Variants in RAD51B observed in about 807,000 individuals in gnomAD.
RAD51B encodes DNA repair protein RAD51 homolog 2.
In RAD51B, 38 loss-of-function variants were observed where a neutral mutation model predicts 42.2. That is an observed-to-expected ratio of 0.90 (90% CI 0.70 to 1.18). RAD51B has a LOEUF of 1.18. Among genes scored for constraint, RAD51B ranks in the 50% most tolerant of loss-of-function variants. RAD51B has a pLI of 0.00. For missense variants in RAD51B, 373 were observed against 400.7 expected, an observed-to-expected ratio of 0.93 and a Z score of 0.59; for synonymous variants, 154 against 145.2, an observed-to-expected ratio of 1.06 and a Z score of -0.43.
At chr14:68,656,662 G>A (rs1028116383) in intron 11 of RAD51B, among the ~76,000 whole-genome samples, 10 of 152,174 alleles carry the variant, frequency 6.6e-5, no homozygotes, top group African/African-American at 1.4e-4. Flanking sequence ...ACCGCAGGCC[G>A]GCAGTGTGAC....
chr14:68,272,636 T>TAA (rs2081130249), intron 7 of RAD51B, among the ~76,000 whole-genome samples: 1 of 8,974 alleles, frequency 1.1e-4, no homozygotes, highest in African/African-American at 7.0e-4. Context: ...ATAAACACTT[T>TAA]ATATATATAT....
At chr14:68,286,638 ACTCATGGGGCCCCCT>A (rs2081419447) in intron 7 of RAD51B, among the ~76,000 whole-genome samples, 2 of 152,192 alleles carry the variant, frequency 1.3e-5, no homozygotes, top group African/African-American at 4.8e-5. Flanking sequence ...CAAAATGGCT[ACTCATGGGGCCCCCT>A]CCCCTTCCAC....
At chr14:68,494,903 T>C (rs1394018755) in intron 10 of RAD51B, among the ~76,000 whole-genome samples, 1 of 152,008 alleles carries the variant, frequency 6.6e-6, no homozygotes, top group African/African-American at 2.4e-5. Context: ...ACCCAGACAT[T>C]GGGGTGCAAC....
At chr14:68,520,293 A>G (rs979396760) in intron 10 of RAD51B, among the ~76,000 whole-genome samples, 13 of 152,246 alleles carry the variant, frequency 8.5e-5, no homozygotes, top group African/African-American at 3.1e-4. Flanking sequence ...TGCAAATTCC[A>G]AAACATAATC....
chr14:68,300,032 A>C (rs1161948961), intron 8 of RAD51B, among the ~76,000 whole-genome samples: 3 of 152,160 alleles, frequency 2.0e-5, no homozygotes, highest in Non-Finnish European at 4.4e-5. Flanking sequence ...AGCAGGGTCC[A>C]TTGATGGGGG....
At chr14:68,164,680 G>A (rs1411934302) in intron 7 of RAD51B, among the ~76,000 whole-genome samples, 2 of 152,140 alleles carry the variant, frequency 1.3e-5, no homozygotes, top group South Asian at 2.1e-4. Context: ...ACTGCTTTTG[G>A]TGTTGCTCTG....
chr14:68,640,435 C>T (rs1415084256), intron 10 of RAD51B, among the ~76,000 whole-genome samples: 1 of 152,196 alleles, frequency 6.6e-6, no homozygotes, highest in Non-Finnish European at 1.5e-5. Flanking sequence ...TCGTAAGGTG[C>T]TTAGCTCAGT....
chr14:68,556,660 T>C (rs1362288972), intron 10 of RAD51B, among the ~76,000 whole-genome samples: 5 of 152,202 alleles, frequency 3.3e-5, no homozygotes, highest in Non-Finnish European at 7.3e-5. Flanking sequence ...AACCCCTGCA[T>C]GGCCTCTCAG....
chr14:67,893,529 G>C (rs988793869), intron 7 of RAD51B, among the ~76,000 whole-genome samples: 2 of 144,940 alleles, frequency 1.4e-5, no homozygotes, highest in Non-Finnish European at 3.0e-5. Flanking sequence ...CAATTAGCTG[G>C]GTGTGGTGCT....
intron 7 of RAD51B, among the ~76,000 whole-genome samples, chr14:68,244,630 C>A (rs541069863): frequency 6.6e-6 from 1 of 152,140 alleles, no homozygotes; most frequent in Non-Finnish European, 1.5e-5. Flanking sequence ...TTCTTTGTTG[C>A]AAGCAATTGG....
chr14:68,644,625 A>G (rs1892528710), intron 10 of RAD51B, among the ~76,000 whole-genome samples: 1 of 152,246 alleles, frequency 6.6e-6, no homozygotes. Flanking sequence ...AAGATCAGGA[A>G]TATGTGAGAA....
intron 10 of RAD51B, among the ~76,000 whole-genome samples, chr14:68,484,461 T>C (rs763729821): frequency 8.0e-5 from 12 of 150,690 alleles, no homozygotes; most frequent in African/African-American, 2.7e-4. Context: ...GGGTTCACGC[T>C]ATTCTCCTGC....
intron 8 of RAD51B, among the ~76,000 whole-genome samples, chr14:68,407,892 GA>G (rs1226087774): frequency 1.3e-5 from 2 of 152,138 alleles, no homozygotes; most frequent in Non-Finnish European, 2.9e-5. Context: ...GCGCAGGGTA[GA>G]AAGTCCTTGA....
intron 7 of RAD51B, among the ~76,000 whole-genome samples, chr14:68,154,998 C>A (rs2078470419): frequency 6.6e-6 from 1 of 152,086 alleles, no homozygotes; most frequent in South Asian, 2.1e-4. Flanking sequence ...TAGTCTTCCT[C>A]CCACTCATAT....
chr14:67,964,642 G>T (rs1400979353), intron 7 of RAD51B, among the ~76,000 whole-genome samples: 1 of 151,464 alleles, frequency 6.6e-6, no homozygotes, highest in Admixed American at 6.6e-5. Context: ...CCCCCATATT[G>T]TTAAAATGGC....
At chr14:68,549,525 C>A (rs971240284) in intron 10 of RAD51B, among the ~76,000 whole-genome samples, 1 of 148,542 alleles carries the variant, frequency 6.7e-6, no homozygotes, top group Non-Finnish European at 1.5e-5. Context: ...ACGCCATTCT[C>A]CTGCCTCAGC....
intron 7 of RAD51B, among the ~76,000 whole-genome samples, chr14:67,979,418 C>T (rs1194140850): frequency 1.3e-5 from 2 of 152,046 alleles, no homozygotes; most frequent in Non-Finnish European, 2.9e-5. Context: ...GGGTGGTGGG[C>T]CCCCAACCCC....
intron 5 of RAD51B, among the ~76,000 whole-genome samples, 200 bp downstream of exon 5, chr14:67,865,339 C>T (rs568866571): frequency 8.0e-5 from 12 of 150,462 alleles, no homozygotes; most frequent in Non-Finnish European, 1.3e-4. Flanking sequence ...TGGGTTCAAG[C>T]GATTCTCCTG....
chr14:68,388,377 C>T (rs2083655630), intron 8 of RAD51B, among the ~76,000 whole-genome samples: 1 of 152,054 alleles, frequency 6.6e-6, no homozygotes, highest in African/African-American at 2.4e-5. Context: ...GGATTACAGG[C>T]ATGAGCCACC....
Sources: gnomAD v4.1 joint callset for allele counts (sites outside exome capture counted in the v4.1 genomes callset) on GRCh38, gnomAD v4.1.1 for gene constraint, MANE v1.5 for transcripts, NCBI Gene and HGNC (gene_info 2026-07-23, HGNC 2026-07-21) for gene names.